The following PTPRD variants were observed in gnomAD, a reference collection of about 807,000 sequenced individuals.
The protein encoded by PTPRD is receptor-type tyrosine-protein phosphatase delta.
A neutral mutation model predicts 214.5 loss-of-function variants in PTPRD; 34 were observed. The observed-to-expected ratio is 0.16, with a 90% CI of 0.12 to 0.21. The LOEUF (loss-of-function observed/expected upper bound fraction) is 0.21, where lower values mean the gene tolerates loss of function less well. Among genes scored for constraint, PTPRD ranks in the 10% least tolerant of loss-of-function variants. The pLI, the probability that PTPRD is intolerant of heterozygous loss-of-function variation, is 1.00. For synonymous variants in PTPRD, 1,128 were observed against 845.7 expected (o/e 1.33, Z -5.79); for missense variants, 2,545 against 2,398.7 (o/e 1.06, Z -1.27).
At chr9:8,417,787 A>G (rs908760845) in intron 35 of PTPRD, among the ~76,000 whole-genome samples, 3 of 152,160 alleles carry the variant, frequency 2.0e-5, no homozygotes, top group Non-Finnish European at 2.9e-5. Flanking sequence ...GACATTAAAT[A>G]AAATACAACA....
intron 9 of PTPRD, among the ~76,000 whole-genome samples, chr9:9,275,049 A>T (rs1394627136): frequency 2.2e-5 from 2 of 92,628 alleles, no homozygotes; most frequent in African/African-American, 9.0e-5. Flanking sequence ...GTTTCCATAT[A>T]TATATGTATA....
intron 3 of PTPRD, among the ~76,000 whole-genome samples, chr9:10,094,240 T>C (rs890616866): frequency 5.3e-5 from 8 of 151,434 alleles, no homozygotes; most frequent in Non-Finnish European, 8.9e-5. Flanking sequence ...TTTCTTTATA[T>C]ATAAATATTC....
intron 9 of PTPRD, among the ~76,000 whole-genome samples, chr9:9,261,114 C>T (rs2099979927): frequency 6.6e-6 from 1 of 151,620 alleles, no homozygotes; most frequent in Non-Finnish European, 1.5e-5. Flanking sequence ...ATTATCATAC[C>T]ACCAACAAGG....
chr9:9,352,929 ACT>A (rs1160377751), intron 9 of PTPRD, among the ~76,000 whole-genome samples: 1 of 151,778 alleles, frequency 6.6e-6, no homozygotes, highest in African/African-American at 2.4e-5. Flanking sequence ...ATTTATAATA[ACT>A]CTAATGGATA....
chr9:9,642,926 G>C (rs896610854), intron 7 of PTPRD, among the ~76,000 whole-genome samples: 2 of 152,280 alleles, frequency 1.3e-5, no homozygotes, highest in South Asian at 2.1e-4. Context: ...CAAAATCTAA[G>C]TGTCAAACTT....
chr9:9,917,845 A>C (rs2081377833), intron 5 of PTPRD, among the ~76,000 whole-genome samples: 1 of 152,004 alleles, frequency 6.6e-6, no homozygotes, highest in Admixed American at 6.6e-5. Context: ...AAAGCCATTT[A>C]TCAATACATA....
At chr9:10,556,100 T>C (rs16926117) in intron 2 of PTPRD, among the ~76,000 whole-genome samples, 5,603 of 152,196 alleles carry the variant, frequency 0.037, 141 homozygotes, top group South Asian at 0.064. Context: ...GGCCTCATCC[T>C]AAAAAGTTAT....
intron 5 of PTPRD, among the ~76,000 whole-genome samples, chr9:9,831,929 A>T (rs923403510): frequency 7.2e-5 from 11 of 151,966 alleles, no homozygotes; most frequent in African/African-American, 2.7e-4. Flanking sequence ...AAAAATGTGG[A>T]CCCAACCGCG....
intron 10 of PTPRD, among the ~76,000 whole-genome samples, chr9:9,116,951 A>T (rs1435335613): frequency 6.6e-6 from 1 of 152,260 alleles, no homozygotes; most frequent in East Asian, 1.9e-4. Context: ...GTATGGATAC[A>T]TATTTGTCCA....
chr9:9,944,224 T>C (rs1203434104), intron 4 of PTPRD, among the ~76,000 whole-genome samples: 2 of 152,142 alleles, frequency 1.3e-5, no homozygotes, highest in African/African-American at 4.8e-5. Context: ...TGTCAATCAC[T>C]ACAAAACTCC....
chr9:10,045,798 C>G (rs1343050146), intron 3 of PTPRD, among the ~76,000 whole-genome samples: 2 of 151,662 alleles, frequency 1.3e-5, no homozygotes, highest in Non-Finnish European at 3.0e-5. Flanking sequence ...TGCCACTAGT[C>G]TGTGCTGTTG....
At chr9:9,447,505 A>G (rs2090841378) in intron 8 of PTPRD, among the ~76,000 whole-genome samples, 1 of 152,012 alleles carries the variant, frequency 6.6e-6, no homozygotes, top group Non-Finnish European at 1.5e-5. Context: ...AGACACTGGG[A>G]CCTATTGGAG....
intron 5 of PTPRD, among the ~76,000 whole-genome samples, chr9:9,816,396 C>A (rs2048782421): frequency 6.6e-6 from 1 of 151,940 alleles, no homozygotes; most frequent in Admixed American, 6.6e-5. Flanking sequence ...TAATAAATAG[C>A]CTTATGTTCC....
chr9:10,585,990 G>A (rs1276578108), intron 2 of PTPRD, among the ~76,000 whole-genome samples: 3 of 151,978 alleles, frequency 2.0e-5, no homozygotes, highest in Admixed American at 2.0e-4. Context: ...TACAGCGTGA[G>A]TACAAAGCTA....
At chr9:8,976,013 A>G (rs2099266052) in intron 11 of PTPRD, among the ~76,000 whole-genome samples, 2 of 151,966 alleles carry the variant, frequency 1.3e-5, no homozygotes, top group South Asian at 4.1e-4. Flanking sequence ...ATTACTGTAA[A>G]ACATCTGTAA....
chr9:8,892,399 T>C (rs1196728835), intron 11 of PTPRD, among the ~76,000 whole-genome samples: 1 of 152,118 alleles, frequency 6.6e-6, no homozygotes, highest in African/African-American at 2.4e-5. Flanking sequence ...CCAATTTATT[T>C]ATTCATGCCA....
intron 9 of PTPRD, among the ~76,000 whole-genome samples, chr9:9,377,087 A>AT (rs748241749): frequency 1.8e-3 from 276 of 151,492 alleles, no homozygotes; most frequent in African/African-American, 4.2e-3. Flanking sequence ...GGCAACATAT[A>AT]TTTTTTTTTA....
chr9:8,468,812 A>AC (rs1356343923), intron 31 of PTPRD, among the ~76,000 whole-genome samples: 1 of 151,552 alleles, frequency 6.6e-6, no homozygotes, highest in East Asian at 1.9e-4. Context: ...AAAAAAAAAA[A>AC]AAAAACTCTC....
At chr9:10,567,004 A>G (rs1202106733) in intron 2 of PTPRD, among the ~76,000 whole-genome samples, 1 of 151,962 alleles carries the variant, frequency 6.6e-6, no homozygotes, top group African/African-American at 2.4e-5. Flanking sequence ...ACTTCTGTGA[A>G]ACTCCCTCTT....
Sources: allele counts gnomAD v4.1 joint callset (sites outside exome capture counted in the v4.1 genomes callset), GRCh38; gene constraint gnomAD v4.1.1; transcripts MANE v1.5; gene names NCBI Gene and HGNC (gene_info 2026-07-23, HGNC 2026-07-21).